Variants in PARP4 observed in about 807,000 individuals in gnomAD.
PARP4 encodes the protein poly(ADP-ribose) polymerase family member 4, also known as protein mono-ADP-ribosyltransferase PARP4.
In PARP4, 120 loss-of-function variants were observed where a neutral mutation model predicts 187.7. That is an observed-to-expected ratio of 0.64 (90% CI 0.55 to 0.74). The LOEUF (loss-of-function observed/expected upper bound fraction) is 0.74. Among genes scored for constraint, PARP4 ranks in the 30% least tolerant of loss-of-function variants. The pLI, the probability that PARP4 is intolerant of heterozygous loss-of-function variation, is 0.00. For missense variants in PARP4, 1,836 were observed against 2,070.5 expected, an observed-to-expected ratio of 0.89 and a Z score of 2.20; for synonymous variants, 654 against 740.9, an observed-to-expected ratio of 0.88 and a Z score of 1.90.
intron 1 of PARP4, among the ~76,000 whole-genome samples, chr13:24,506,513 C>G (rs1039538440): frequency 6.0e-4 from 91 of 152,302 alleles, no homozygotes; most frequent in African/African-American, 2.1e-3. Context: ...ACTGCTTTGA[C>G]AGGGTGCTGA....
chr13:24,430,726 G>A (rs545117973), intron 32 of PARP4, among the ~76,000 whole-genome samples: 12 of 152,148 alleles, frequency 7.9e-5, no homozygotes, highest in African/African-American at 2.7e-4. Flanking sequence ...CTGGGTCAAG[G>A]ATGCTCAGGA....
In PARP4 at chr13:24,456,456, A is replaced by G. The variant is rs1202071158; in HGVS notation, c.2447T>C (p.Ile816Thr). Reference protein sequence around the residue: ...KQKRTDCKAVISTMEGSSLDS... With the variant: ...KQKRTDCKAVTSTMEGSSLDS... The stretch of plus-strand genomic sequence containing the variant: ...TAAGGAGCTGCCTTCCATGGTGCTA[A>G]TGACAGCTTTGCAGTCTGTGCGCTG... The change falls in exon 21 of 34, where the codon ATT becomes ACT. Residue 816 changes from isoleucine to threonine, a missense_variant. By Grantham distance (89) the Ile-to-Thr change is moderately conservative. Around this residue, in one of 8 missense-constraint regions of PARP4, gnomAD observed 1,147 missense variants for 1,214.2 expected, o/e 0.94. Coordinates refer to ENST00000381989, the MANE Select transcript of PARP4 (RefSeq NM_006437.4). The G allele has an allele frequency of 6.2e-7, 1 of 1,605,372 alleles. No individual in the cohort carries two copies. The highest frequency in any genetic ancestry group is 1.3e-5 in the African/African-American group (1 of 74,816).
chr13:24,431,330 T>C lies in PARP4; in HGVS notation c.4846+47A>G, dbSNP rs1870322049. 7 of 1,022,230 alleles carry C rather than the reference T, an allele frequency of 6.8e-6. No individual in the cohort carries two copies. The East Asian group carries it at 1.7e-4, about 25-fold the overall frequency. The allele number at this position is 1,022,230 out of a possible 1,614,324, so 63.3% of individuals were successfully genotyped here. On this transcript the variant is annotated intron_variant, in intron 32 of 33. Transcript: ENST00000381989. ...TTACAACAATTAGGAGCATGCTTATTAATGAATGAAAATAATGACTTAATA... is the reference window on the plus strand; with the variant it reads ...TTACAACAATTAGGAGCATGCTTATCAATGAATGAAAATAATGACTTAATA...
At chr13:24,421,414 A>G in intron 33 of PARP4, 100 bp from the exon 34 acceptor site, 1 of 592,902 alleles carries the variant, frequency 1.7e-6, no homozygotes, top group Non-Finnish European at 3.0e-6. Context: ...GATTCTGCCA[A>G]AAATTAAGAT....
intron 17 of PARP4, among the ~76,000 whole-genome samples, chr13:24,462,025 AGAATTTGGCTGCCACTAAGATAG>A (rs1253727511): frequency 6.6e-6 from 1 of 152,194 alleles, no homozygotes. Context: ...GACACAAGGC[AGAATTTGGCTGCCACTAAGATAG>A]GACAATGAAC....
At position 24,499,260 on chromosome 13, in the gene PARP4, T is replaced by TG. The variant is rs760150311; in HGVS notation, c.477+40dup. 13 of 1,461,948 alleles carry TG rather than the reference T, an allele frequency of 8.9e-6. No homozygotes were observed. In the East Asian group the frequency reaches 1.2e-4, roughly 14 times the overall value. The allele number at this position is 1,461,948 out of a possible 1,614,324, so 90.6% of individuals were successfully genotyped here. ...CACCCAGAAGACATTCAAACAGGTG[T>TG]GTTTTTTTTTTTTTTTGCTAACTAG... On this transcript the variant is annotated intron_variant, in intron 5 of 33. Coordinates refer to ENST00000381989, the MANE Select transcript of PARP4 (RefSeq NM_006437.4).
At chr13:24,480,135 G>A (rs186436564) in intron 12 of PARP4, among the ~76,000 whole-genome samples, 1 of 152,298 alleles carries the variant, frequency 6.6e-6, no homozygotes, top group East Asian at 1.9e-4. Flanking sequence ...GAGGGTCCGC[G>A]GCTTCATTCT....
intron 17 of PARP4, among the ~76,000 whole-genome samples, chr13:24,466,710 G>A (rs934427438): frequency 1.3e-5 from 2 of 149,190 alleles, no homozygotes; most frequent in Admixed American, 6.8e-5. Flanking sequence ...CAGGAGAATC[G>A]CTCAAACTGG....
At chr13:24,493,067 A>G (rs1868747927) in intron 8 of PARP4, among the ~76,000 whole-genome samples, 1 of 152,310 alleles carries the variant, frequency 6.6e-6, no homozygotes, top group Non-Finnish European at 1.5e-5. Flanking sequence ...AAAATTGACC[A>G]TATTATTTCA....
intron 1 of PARP4, among the ~76,000 whole-genome samples, chr13:24,509,238 G>A (rs1869866613): frequency 6.6e-6 from 1 of 152,208 alleles, no homozygotes; most frequent in Non-Finnish European, 1.5e-5. Flanking sequence ...CAGGCAATGT[G>A]GCTCATGCCT....
rs1869305260 is a variant in PARP4 at position 24,501,808 on chromosome 13, A to C, written c.159T>G (p.Ala53=). 6.2e-7 allele frequency: 1 copy of C among 1,611,660 alleles called. No homozygotes were observed. Among genetic ancestry groups the C allele is most frequent in the Non-Finnish European group, 8.5e-7 (1 of 1,177,788 alleles). Residue 53 remains alanine (A), a synonymous_variant, in exon 3 of 34, where the codon GCT becomes GCG. Transcript: ENST00000381989. ...PQCTHIILDN[A]DVLSQYQLNS... ...TCAGTTGGTACTGACTCAGAACATC[A>C]GCATTATCTAAGATTATATGTGTGC...
chr13:24,483,479 C>T (rs1309676048), intron 12 of PARP4, among the ~76,000 whole-genome samples: 3 of 104,718 alleles, frequency 2.9e-5, no homozygotes, highest in East Asian at 2.9e-4. Context: ...GGCGACAGAG[C>T]GAGACTCCGT....
At chr13:24,429,417 G>A (rs4770675) in intron 32 of PARP4, among the ~76,000 whole-genome samples, 142,893 of 152,254 alleles carry the variant, frequency 0.94, 67,180 homozygotes, top group East Asian at 0.99. Context: ...TAAAAATGAC[G>A]CCTTGTAGAG....
At chr13:24,453,705 G>C in intron 22 of PARP4, 51 bp from the exon 23 acceptor site, 1 of 967,910 alleles carries the variant, frequency 1.0e-6, no homozygotes, top group East Asian at 2.4e-5. Flanking sequence ...TCACTTGCTT[G>C]AGCACTAACA....
At chr13:24,481,192 T>G (rs1873259730) in intron 12 of PARP4, among the ~76,000 whole-genome samples, 2 of 152,274 alleles carry the variant, frequency 1.3e-5, no homozygotes, top group Admixed American at 6.5e-5. Context: ...AATGGTTTAC[T>G]GAATTTTAAG....
At chr13:24,457,052 A>C (rs1871896167) in intron 20 of PARP4, among the ~76,000 whole-genome samples, 2 of 152,220 alleles carry the variant, frequency 1.3e-5, no homozygotes, top group Non-Finnish European at 2.9e-5. Context: ...CTGGATCCAA[A>C]GATTATAGAT....
intron 17 of PARP4, among the ~76,000 whole-genome samples, chr13:24,463,837 G>C (rs1872325056): frequency 6.6e-6 from 1 of 152,100 alleles, no homozygotes; most frequent in Non-Finnish European, 1.5e-5. Flanking sequence ...TATTTGAATA[G>C]GAAGAGAGGA....
At chr13:24,428,155 A>T (rs1870155048) in intron 32 of PARP4, among the ~76,000 whole-genome samples, 6 of 152,228 alleles carry the variant, frequency 3.9e-5, no homozygotes, top group Admixed American at 3.9e-4. Flanking sequence ...AATAACACAG[A>T]TAATAGGGAG....
chr13:24,449,680 C>G, intron 25 of PARP4, 38 bp downstream of exon 25: 2 of 1,109,076 alleles, frequency 1.8e-6, no homozygotes, highest in African/African-American at 3.1e-5. Flanking sequence ...AAGAGATTTC[C>G]AAACATAAAT....
Sources: gnomAD v4.1 joint callset for allele counts (sites outside exome capture counted in the v4.1 genomes callset) on GRCh38, gnomAD v4.1.1 for gene constraint, gnomAD v4.1.1 regional missense constraint, MANE v1.5 for transcripts, NCBI Gene and HGNC (gene_info 2026-07-23, HGNC 2026-07-21) for gene names.